SCYL3: variants seen among roughly 807,000 people sequenced by gnomAD.
SCYL3 encodes the protein protein-associating with the carboxyl-terminal domain of ezrin.
In SCYL3, 35 loss-of-function variants were observed where a neutral mutation model predicts 73.8. That is an observed-to-expected ratio of 0.47 (90% CI 0.36 to 0.63). The LOEUF (loss-of-function observed/expected upper bound fraction) is 0.63. Ranked by LOEUF, SCYL3 falls within the 20% of genes least tolerant of loss-of-function variation. SCYL3 has a pLI of 0.00. For missense variants in SCYL3, 712 were observed against 798.9 expected, an observed-to-expected ratio of 0.89 and a Z score of 1.31; for synonymous variants, 277 against 295.2, an observed-to-expected ratio of 0.94 and a Z score of 0.63.
intron 7 of SCYL3, among the ~76,000 whole-genome samples, chr1:169,868,474 G>T (rs895842601): frequency 6.6e-6 from 1 of 152,126 alleles, no homozygotes; most frequent in South Asian, 2.1e-4. Flanking sequence ...CAACTTATTT[G>T]CTCTTCCATC....
intron 2 of SCYL3, among the ~76,000 whole-genome samples, chr1:169,882,023 C>G (rs557237050): frequency 6.6e-6 from 1 of 152,364 alleles, no homozygotes; most frequent in South Asian, 2.1e-4. Flanking sequence ...CTTGAGGAGC[C>G]CTTCAGCCCA....
chr1:169,849,921 G>A lies in SCYL3; in HGVS notation c.*3792C>T. On this transcript the variant is annotated 3_prime_UTR_variant, in exon 13 of 13. Transcript: ENST00000367771. ...CAAATGATAATACATTTCATTTTGTGCTATCAGTCATAAGGGTTAGGCTGA... is the reference window on the plus strand; with the variant it reads ...CAAATGATAATACATTTCATTTTGTACTATCAGTCATAAGGGTTAGGCTGA... 1 of 462,098 alleles carries A rather than the reference G, an allele frequency of 2.2e-6. No homozygotes were observed. The highest frequency in any genetic ancestry group is 3.9e-6 in the Non-Finnish European group (1 of 257,176). The allele number at this position is 462,098 out of a possible 1,614,324, so 28.6% of individuals were successfully genotyped here.
chr1:169,866,377 A>C (rs1042584818), intron 8 of SCYL3, among the ~76,000 whole-genome samples: 1 of 152,240 alleles, frequency 6.6e-6, no homozygotes, highest in Non-Finnish European at 1.5e-5. Flanking sequence ...ATCCACCTAA[A>C]GGGACATTAA....
At chr1:169,887,336 G>GT (rs1661753194) in intron 2 of SCYL3, among the ~76,000 whole-genome samples, 1 of 149,518 alleles carries the variant, frequency 6.7e-6, no homozygotes, top group East Asian at 2.0e-4. Context: ...TGGTCTTGCT[G>GT]TTTTTTCCTT....
Position 169,869,005 on chromosome 1 carries a change from G to C in SCYL3, c.660C>G (p.Thr220=). 6.2e-7 allele frequency: 1 copy of C among 1,614,140 alleles called. No individual in the cohort carries two copies. Among genetic ancestry groups the C allele is most frequent in the Non-Finnish European group, 8.5e-7 (1 of 1,180,002 alleles). Residue 220 remains threonine, a synonymous_variant, in exon 7 of 13, where the codon ACC becomes ACG. Transcript: ENST00000367771. ...TGGGATTCAGCAAAGTTGAGTGCAA[G>C]GTCTGTTGAAAGCTGGAGAGAACAT... is the stretch of plus-strand genomic sequence containing the variant. ...SADVLSSFQQ[T]LHSTLLNPIP...
intron 1 of SCYL3, among the ~76,000 whole-genome samples, chr1:169,889,452 T>C (rs1348493607): frequency 2.6e-5 from 4 of 151,768 alleles, no homozygotes; most frequent in Admixed American, 6.6e-5. Context: ...AGTACAATAA[T>C]GGGAAAGAAA....
In SCYL3 at chr1:169,851,620, C is replaced by CT. The variant is rs1658351671; in HGVS notation, c.*2092dup. 2 of 655,456 alleles carry CT rather than the reference C, an allele frequency of 3.1e-6. No individual in the cohort carries two copies. 40.6% of individuals were successfully genotyped at this position (655,456 alleles called of 1,614,324 possible). On this transcript the variant is annotated 3_prime_UTR_variant, in exon 13 of 13. Coordinates refer to ENST00000367771, the MANE Select transcript of SCYL3 (RefSeq NM_020423.7). ...TTTTCCTGCAAAGACAACTCTATAA[C>CT]TAACTATTTTGTAAGGAAGAACACA...
At chr1:169,874,428 C>CAGGGGAATGCCT in intron 4 of SCYL3, among the ~76,000 whole-genome samples, 1 of 152,194 alleles carries the variant, frequency 6.6e-6, no homozygotes, top group South Asian at 2.1e-4. Context: ...TTTTGTTGGG[C>CAGGGGAATGCCT]AGGGGAATGC....
rs557167191 is a variant in SCYL3, at chr1:169,888,795, G to A, written c.46C>T (p.Pro16Ser). The A allele has an allele frequency of 1.9e-6, 3 of 1,614,054 alleles. No individual in the cohort carries two copies. The highest frequency in any genetic ancestry group is 2.7e-5 in the African/African-American group (2 of 75,046). ...AGTCCAGAGGGTAAGGTAAATGGTG[G>A]TTCTCTCAGTGTATAGCTCTTTAAA... ...SALKSYTLREPPFTLPSGLAV... is the reference protein window; with the variant it reads ...SALKSYTLRESPFTLPSGLAV... Residue 16 changes from proline (P) to serine (S), a missense_variant, in exon 2 of 13, where the codon CCA becomes TCA. Around this residue, in one of 2 missense-constraint regions of SCYL3, gnomAD observed 342 missense variants for 448.1 expected, o/e 0.76. Coordinates refer to ENST00000367771, the MANE Select transcript of SCYL3 (RefSeq NM_020423.7).
rs1009842549 is a variant in SCYL3, at chr1:169,852,646, G to C, written c.*1067C>G. Reference sequence around the variant, plus strand: ...CCTTTACATATTTTTCTAGATGACTGTGTAGGGGTTTTGGGGTGCATCCTC... The same window carrying C: ...CCTTTACATATTTTTCTAGATGACTCTGTAGGGGTTTTGGGGTGCATCCTC... On this transcript the variant is annotated 3_prime_UTR_variant, in exon 13 of 13. Transcript: ENST00000367771. 1.7e-5 allele frequency: 13 copies of C among 758,586 alleles called. No individual in the cohort carries two copies. The African/African-American group carries it at 2.3e-4, about 13-fold the overall frequency. 47.0% of individuals were successfully genotyped at this position (758,586 alleles called of 1,614,324 possible).
intron 11 of SCYL3, 23 bp downstream of exon 11, chr1:169,859,018 T>G (rs773837443): frequency 6.2e-7 from 1 of 1,607,196 alleles, no homozygotes; most frequent in Non-Finnish European, 8.5e-7. Context: ...ACACAAAAAG[T>G]TAGACCTTTT....
Position 169,854,556 on chromosome 1 carries a change from C to G in SCYL3, c.1721G>C (p.Arg574Thr). 6.2e-7 allele frequency: 1 copy of G among 1,613,860 alleles called. No individual in the cohort carries two copies. Among genetic ancestry groups the G allele is most frequent in the Non-Finnish European group, 8.5e-7 (1 of 1,179,954 alleles). ...SLPQKISLVQ[R>T]GDDADQIEPP... ...CTCGATTTGGTCTGCGTCATCCCCC[C>G]TTTGTACAAGGCTAATCTTTTGGGG... The change falls in exon 12 of 13, where the codon AGG becomes ACG. Residue 574 changes from arginine to threonine, a missense_variant. Arg to Thr is a moderately conservative substitution (Grantham distance 71). Around this residue, in one of 2 missense-constraint regions of SCYL3, gnomAD observed 370 missense variants for 350.8 expected, o/e 1.05. Coordinates refer to ENST00000367771, the MANE Select transcript of SCYL3 (RefSeq NM_020423.7).
At chr1:169,862,848 TGAA>T in intron 9 of SCYL3, 51 bp from the exon 10 acceptor site, 1 of 1,570,542 alleles carries the variant, frequency 6.4e-7, no homozygotes, top group Non-Finnish European at 8.7e-7. Context: ...TTCATTTCAG[TGAA>T]AAGTATTAAG....
Position 169,852,130 on chromosome 1 carries a change from TTC to T in SCYL3, c.*1581_*1582del. On this transcript the variant is annotated 3_prime_UTR_variant, in exon 13 of 13. Transcript: ENST00000367771. ...GTGGGACTACACCATATCAAATATA[TTC>T]TTTCAGTATGTTTGAATTATTGGTA... The T allele has an allele frequency of 1.5e-6, 1 of 679,382 alleles. No homozygotes were observed. Among genetic ancestry groups the T allele is most frequent in the Admixed American group, 2.7e-5 (1 of 36,842 alleles). 42.1% of individuals were successfully genotyped at this position (679,382 alleles called of 1,614,324 possible). A position where few individuals can be genotyped will look rare whatever the true frequency, so the allele number is the denominator to read the frequency against.
chr1:169,890,876 T>C lies in SCYL3; in HGVS notation c.-50-1986A>G, dbSNP rs531106889. Among the ~76,000 whole-genome samples, 4 of 152,342 alleles carry C rather than the reference T, an allele frequency of 2.6e-5. 1 individual carries two copies. Among genetic ancestry groups the C allele is most frequent in the Admixed American group, 1.3e-4 (2 of 15,308 alleles). Reference sequence around the variant, plus strand: ...CAAATAAAAAGTTTATGTGGGACCATGGGTAAAAGCAACAATGCTAATCCC... The same window carrying C: ...CAAATAAAAAGTTTATGTGGGACCACGGGTAAAAGCAACAATGCTAATCCC... On this transcript the variant is annotated intron_variant, in intron 1 of 12. Coordinates refer to ENST00000367771, the MANE Select transcript of SCYL3 (RefSeq NM_020423.7).
chr1:169,865,103 A>C (rs753477017), intron 8 of SCYL3, among the ~76,000 whole-genome samples: 3 of 152,186 alleles, frequency 2.0e-5, no homozygotes, highest in Non-Finnish European at 4.4e-5. Context: ...TACCCTAAGA[A>C]GACAGGCTTT....
Position 169,853,027 on chromosome 1 carries a change from A to G in SCYL3, c.*686T>C. 6.3e-7 allele frequency: 1 copy of G among 1,579,242 alleles called. No homozygotes were observed. Among genetic ancestry groups the G allele is most frequent in the Non-Finnish European group, 8.7e-7 (1 of 1,152,910 alleles). On this transcript the variant is annotated 3_prime_UTR_variant, in exon 13 of 13. Coordinates refer to ENST00000367771, the MANE Select transcript of SCYL3 (RefSeq NM_020423.7). ...CAGAACTGGGTTTGATGCTTTGTCA[A>G]CTGAAAATACTTATGTCTGTACATT...
chr1:169,855,046 G>A lies in SCYL3; in HGVS notation c.1313-82C>T, dbSNP rs191843959. 3.7e-5 allele frequency: 37 copies of A among 996,246 alleles called. 1 individual carries two copies. In the Admixed American group the frequency reaches 6.4e-4, roughly 17 times the overall value. The allele number at this position is 996,246 out of a possible 1,614,324, so 61.7% of individuals were successfully genotyped here. ...ATGGGAAGGATAGCATTAAGGAAGT[G>A]TAGTAGTATAGGTCTAATTACTTGG... On this transcript the variant is annotated intron_variant, in intron 11 of 12. Transcript: ENST00000367771.
At position 169,859,485 on chromosome 1, in the gene SCYL3, C is replaced by A. The variant is rs141337823; in HGVS notation, c.1141-273G>T. On this transcript the variant is annotated intron_variant, in intron 10 of 12. Transcript: ENST00000367771. The stretch of plus-strand genomic sequence containing the variant: ...TACATAAAATTACTCTGTCAAATTG[C>A]GACAAAAGGTTTTAAATGTTAAGTC... 7.9e-5 allele frequency among the ~76,000 whole-genome samples: 12 copies of A among 152,082 alleles called. 1 individual carries two copies. The highest frequency in any genetic ancestry group is 6.5e-4 in the Admixed American group (10 of 15,276).
Sources: allele counts gnomAD v4.1 joint callset (sites outside exome capture counted in the v4.1 genomes callset), GRCh38; gene constraint gnomAD v4.1.1; regional missense constraint gnomAD v4.1.1; transcripts MANE v1.5; gene names NCBI Gene and HGNC (gene_info 2026-07-23, HGNC 2026-07-21).